CNTN6: variants seen among roughly 807,000 people sequenced by gnomAD.
CNTN6 encodes contactin-6.
A neutral mutation model predicts 122.8 loss-of-function variants in CNTN6; 137 were observed. The observed-to-expected ratio is 1.12, with a 90% CI of 0.97 to 1.29. The LOEUF (loss-of-function observed/expected upper bound fraction) is 1.29, where lower values mean the gene tolerates loss of function less well. CNTN6 is among the 50% of genes most tolerant of loss of function. CNTN6 has a pLI of 0.00. For synonymous variants in CNTN6, 570 were observed against 426.0 expected (o/e 1.34, Z -4.16); for missense variants, 1,634 against 1,223.4 (o/e 1.34, Z -5.01).
At chr3:1,136,212 A>T (rs2092468512) in intron 1 of CNTN6, among the ~76,000 whole-genome samples, 1 of 152,188 alleles carries the variant, frequency 6.6e-6, no homozygotes, top group Non-Finnish European at 1.5e-5. Flanking sequence ...TGTGGTAGGT[A>T]GTATGGTCAC....
chr3:1,240,206 A>T lies in CNTN6; in HGVS notation c.358+12213A>T, dbSNP rs1422878362. Among the ~76,000 whole-genome samples the T allele has an allele frequency of 2.0e-5, 3 of 152,368 alleles. No homozygotes were observed. The South Asian group carries it at 6.2e-4, about 32-fold the overall frequency. ...TAAACTAAAAAGCTTCTGCACAGCC[A>T]AAGAAATAATCATGAGAGTTTACAG... On this transcript the variant is annotated intron_variant, in intron 4 of 22. Transcript: ENST00000446702.
At chr3:1,131,588 T>A (rs2092337759) in intron 1 of CNTN6, among the ~76,000 whole-genome samples, 1 of 152,106 alleles carries the variant, frequency 6.6e-6, no homozygotes, top group Admixed American at 6.6e-5. Flanking sequence ...GAATGGAGAC[T>A]AACTTCTCTG....
rs12637312 is a variant in CNTN6, at chr3:1,327,357, G to T, written c.1084-100G>T. On this transcript the variant is annotated intron_variant, in intron 9 of 22. Transcript: ENST00000446702. The stretch of plus-strand genomic sequence containing the variant: ...AGTGTATTAATACACCAAATTATCA[G>T]ATCTCATAGATATACACAAATGTTG... The T allele has an allele frequency of 1.4e-5, 18 of 1,291,928 alleles. No individual in the cohort carries two copies. The East Asian group carries it at 3.7e-4, about 26-fold the overall frequency. 80.0% of individuals were successfully genotyped at this position (1,291,928 alleles called of 1,614,324 possible). A position where few individuals can be genotyped will look rare whatever the true frequency, so the allele number is the denominator to read the frequency against.
intron 7 of CNTN6, among the ~76,000 whole-genome samples, chr3:1,311,561 A>G (rs1328687037): frequency 6.7e-6 from 1 of 148,458 alleles, no homozygotes; most frequent in Non-Finnish European, 1.5e-5. Context: ...TGTATATAAA[A>G]TATCTTTATA....
Position 1,372,568 on chromosome 3 carries a change from G to T in CNTN6, c.1668+94G>T, listed in dbSNP as rs548319842. The T allele has an allele frequency of 8.7e-5, 93 of 1,065,926 alleles. No individual in the cohort carries two copies. The African/African-American group carries it at 1.3e-3, about 15-fold the overall frequency. 66.0% of individuals were successfully genotyped at this position (1,065,926 alleles called of 1,614,324 possible). A position where few individuals can be genotyped will look rare whatever the true frequency, so the allele number is the denominator to read the frequency against. On this transcript the variant is annotated intron_variant, in intron 13 of 22. Coordinates refer to ENST00000446702, the MANE Select transcript of CNTN6 (RefSeq NM_001289080.2). The stretch of plus-strand genomic sequence containing the variant: ...ATAGTTACTCTCTCCATCTTTATTT[G>T]CATGGATAATCACTGACTGTTTTTG...
intron 7 of CNTN6, among the ~76,000 whole-genome samples, chr3:1,314,675 C>G (rs1198645254): frequency 6.6e-6 from 1 of 151,970 alleles, no homozygotes; most frequent in East Asian, 1.9e-4. Context: ...ATAGGATGCT[C>G]CCTTTGTAAA....
chr3:1,245,279 A>ATATATATATAT (rs1490102795), intron 4 of CNTN6, among the ~76,000 whole-genome samples: 89 of 5,126 alleles, frequency 0.017, 18 homozygotes, highest in Non-Finnish European at 0.025. Context: ...ATATATACAC[A>ATATATATATAT]CACATATATA....
At chr3:1,233,821 T>C (rs1398111187) in intron 4 of CNTN6, among the ~76,000 whole-genome samples, 1 of 151,680 alleles carries the variant, frequency 6.6e-6, no homozygotes, top group Non-Finnish European at 1.5e-5. Flanking sequence ...AATGATATTA[T>C]TAATATTATC....
intron 1 of CNTN6, among the ~76,000 whole-genome samples, chr3:1,106,265 CA>C (rs1465991470): frequency 3.3e-5 from 5 of 151,920 alleles, no homozygotes; most frequent in Non-Finnish European, 7.4e-5. Flanking sequence ...AAACCCTCCC[CA>C]AATGTGAGAT....
chr3:1,212,534 TACAC>T (rs577604232), intron 2 of CNTN6, among the ~76,000 whole-genome samples: 2 of 151,360 alleles, frequency 1.3e-5, no homozygotes, highest in East Asian at 2.0e-4. Context: ...TGTATATATA[TACAC>T]ACACACATAT....
At chr3:1,328,396 G>A (rs1400699271) in intron 10 of CNTN6, among the ~76,000 whole-genome samples, 2 of 151,758 alleles carry the variant, frequency 1.3e-5, no homozygotes, top group Non-Finnish European at 2.9e-5. Context: ...ATAAAAGAGA[G>A]GAAGGATCAA....
intron 20 of CNTN6, among the ~76,000 whole-genome samples, chr3:1,386,904 G>A (rs371513650): frequency 1.9e-4 from 29 of 151,738 alleles, no homozygotes; most frequent in South Asian, 1.7e-3. Flanking sequence ...CCCCTTATGC[G>A]TATATATGCG....
chr3:1,372,369 C>G lies in CNTN6; in HGVS notation c.1563C>G (p.Cys521Trp). ...VTVGESIVLP[C>W]QVSHDPSIEV... Reference sequence around the variant, plus strand: ...TTGGCGAGAGTATAGTGCTACCATGCCAGGTGTCCCATGACCCCTCCATTG... The same window carrying G: ...TTGGCGAGAGTATAGTGCTACCATGGCAGGTGTCCCATGACCCCTCCATTG... Residue 521 changes from cysteine (C) to tryptophan (W), a missense_variant, in exon 13 of 23, where the codon TGC becomes TGG. By Grantham distance (215) the Cys-to-Trp change is radical. Transcript: ENST00000446702. 2 of 1,613,116 alleles carry G rather than the reference C, an allele frequency of 1.2e-6. No homozygotes were observed. Among genetic ancestry groups the G allele is most frequent in the Non-Finnish European group, 1.7e-6 (2 of 1,179,344 alleles).
chr3:1,255,665 G>A (rs1187323518), intron 4 of CNTN6, among the ~76,000 whole-genome samples: 1 of 151,756 alleles, frequency 6.6e-6, no homozygotes, highest in Non-Finnish European at 1.5e-5. Context: ...TATAATCTAA[G>A]TTTAAAATTA....
intron 11 of CNTN6, among the ~76,000 whole-genome samples, chr3:1,331,862 GA>G (rs920895702): frequency 6.6e-6 from 1 of 150,926 alleles, no homozygotes; most frequent in Non-Finnish European, 1.5e-5. Context: ...AAGATAATAA[GA>G]AAAAAAAGCA....
At chr3:1,298,589 G>A (rs1696680728) in intron 7 of CNTN6, among the ~76,000 whole-genome samples, 1 of 151,970 alleles carries the variant, frequency 6.6e-6, no homozygotes, top group African/African-American at 2.4e-5. Context: ...TTTTTGCATG[G>A]GATATCTAGA....
intron 2 of CNTN6, among the ~76,000 whole-genome samples, chr3:1,208,498 G>A (rs1370726413): frequency 6.6e-6 from 1 of 151,946 alleles, no homozygotes; most frequent in Non-Finnish European, 1.5e-5. Context: ...AGAATTAATT[G>A]CTTCCTTCTC....
intron 7 of CNTN6, among the ~76,000 whole-genome samples, chr3:1,298,663 A>G (rs1426187637): frequency 2.6e-5 from 4 of 152,152 alleles, no homozygotes; most frequent in Non-Finnish European, 2.9e-5. Flanking sequence ...CCAGAAAAAA[A>G]GAAGGAGACA....
chr3:1,380,935 TAAAGA>T (rs558993516), intron 17 of CNTN6, among the ~76,000 whole-genome samples: 295 of 152,318 alleles, frequency 1.9e-3, no homozygotes, highest in Non-Finnish European at 3.5e-3. Context: ...TGTCTCCACT[TAAAGA>T]AAACTCTTTT....
Sources: allele counts gnomAD v4.1 joint callset (sites outside exome capture counted in the v4.1 genomes callset), GRCh38; gene constraint gnomAD v4.1.1; transcripts MANE v1.5; gene names NCBI Gene and HGNC (gene_info 2026-07-23, HGNC 2026-07-21).